The following CDH23 variants were observed in gnomAD, a reference collection of about 807,000 sequenced individuals.
The protein encoded by CDH23 is cadherin related 23.
In CDH23, 189 loss-of-function variants were observed where a neutral mutation model predicts 317.1. The ratio of observed to expected loss-of-function variants is 0.60; its 90% confidence interval spans 0.53 to 0.67. CDH23 has a LOEUF of 0.67. Ranked by LOEUF, CDH23 falls within the 30% of genes least tolerant of loss-of-function variation. The probability of loss-of-function intolerance (pLI) is 0.00; values close to 1 mark genes in which losing one functional copy is unlikely to be tolerated. For synonymous variants in CDH23, 1,839 were observed against 1,876.8 expected, an observed-to-expected ratio of 0.98 and a Z score of 0.52; for missense variants, 4,401 against 4,592.4, an observed-to-expected ratio of 0.96 and a Z score of 1.20.
chr10:71,408,764 T>G (rs1444330910), intron 1 of CDH23, among the ~76,000 whole-genome samples: 2 of 152,176 alleles, frequency 1.3e-5, no homozygotes, highest in African/African-American at 2.4e-5. Flanking sequence ...ACAGCTTCCT[T>G]GGGAGCCGCT....
chr10:71,713,071 G>A (rs1329167015), intron 28 of CDH23: 3 of 746,898 alleles, frequency 4.0e-6, no homozygotes, highest in South Asian at 2.9e-5. Context: ...GCCTCCCCCT[G>A]CATATCTCCC....
At position 71,725,489 on chromosome 10, in the gene CDH23, A is replaced by G; in HGVS notation, c.3548A>G (p.His1183Arg). 6.2e-7 allele frequency: 1 copy of G among 1,613,774 alleles called. No individual in the cohort carries two copies. The highest frequency in any genetic ancestry group is 8.5e-7 in the Non-Finnish European group (1 of 1,179,810). Residue 1183 changes from histidine to arginine, a missense_variant, in exon 30 of 70, where the codon CAC (histidine) becomes CGC (arginine). Physicochemically the swap from His to Arg is conservative, Grantham distance 29 (BLOSUM62 0). Coordinates refer to ENST00000224721, the MANE Select transcript of CDH23 (RefSeq NM_022124.6). ...SHVLIVEAYN[H>R]DLGPMRSSVR... ...GTGCTGATAGTGGAGGCCTACAACCACGACCTGGGCCCCATGCGGAGCTCC... is the reference window on the plus strand; with the variant it reads ...GTGCTGATAGTGGAGGCCTACAACCGCGACCTGGGCCCCATGCGGAGCTCC...
At chr10:71,620,344 G>A (rs114487052) in intron 11 of CDH23, among the ~76,000 whole-genome samples, 29 of 152,224 alleles carry the variant, frequency 1.9e-4, no homozygotes, top group South Asian at 6.2e-4. Context: ...TACGTTAGCC[G>A]TTGTCATCAT....
chr10:71,740,942 G>A lies in CDH23; in HGVS notation c.4609G>A (p.Val1537Met), dbSNP rs1198442260. The A allele has an allele frequency of 6.2e-7, 1 of 1,613,954 alleles. No individual in the cohort carries two copies. The highest frequency in any genetic ancestry group is 1.1e-5 in the South Asian group (1 of 91,086). The change falls in exon 37 of 70, where the codon GTG becomes ATG. Residue 1537 changes from valine (V) to methionine (M), a missense_variant. Val to Met is a conservative substitution (Grantham distance 21, BLOSUM62 1). Transcript: ENST00000224721. ...IESPFGYNVS[V>M]NENVGGGTAV... ...GAGCCCCTTTGGATACAATGTCAGT[G>A]TGAATGAGGTGAGGGCAGCCCCGGG...
At chr10:71,419,995 G>T (rs1388146456) in intron 1 of CDH23, among the ~76,000 whole-genome samples, 5 of 152,244 alleles carry the variant, frequency 3.3e-5, no homozygotes, top group African/African-American at 9.6e-5. Flanking sequence ...GCTACTGCTG[G>T]ATGCCTTGCA....
intron 28 of CDH23, among the ~76,000 whole-genome samples, chr10:71,720,082 C>G (rs1866481385): frequency 6.6e-6 from 1 of 152,224 alleles, no homozygotes; most frequent in South Asian, 2.1e-4. Flanking sequence ...TCGGCGGCAG[C>G]CAGAGGTTCG....
In CDH23 at chr10:71,631,934, G is replaced by GA. The variant is rs1174255224; in HGVS notation, c.1135-11926dup. ...ATAATTCCATGACATTCTCAAAAAAGACAAACTTATAGGAACAGAGAACAG... is the reference window on the plus strand; with the variant it reads ...ATAATTCCATGACATTCTCAAAAAAGAACAAACTTATAGGAACAGAGAACAG... On this transcript the variant is annotated intron_variant, in intron 11 of 69. Transcript: ENST00000224721. Among the ~76,000 whole-genome samples the GA allele has an allele frequency of 2.0e-5, 3 of 152,214 alleles. No individual in the cohort carries two copies. The East Asian group carries it at 5.8e-4, about 29-fold the overall frequency.
At chr10:71,557,102 A>G (rs1856911553) in intron 6 of CDH23, among the ~76,000 whole-genome samples, 1 of 152,220 alleles carries the variant, frequency 6.6e-6, no homozygotes, top group Non-Finnish European at 1.5e-5. Flanking sequence ...TCCATCCTCC[A>G]AACTTAATTA....
At chr10:71,519,217 G>C (rs899783068) in intron 6 of CDH23, among the ~76,000 whole-genome samples, 1 of 152,096 alleles carries the variant, frequency 6.6e-6, no homozygotes, top group African/African-American at 2.4e-5. Context: ...GGCACTCACC[G>C]GAACACCTTT....
At chr10:71,768,949 T>C (rs1840623387) in intron 38 of CDH23, among the ~76,000 whole-genome samples, 2 of 152,308 alleles carry the variant, frequency 1.3e-5, no homozygotes, top group South Asian at 2.1e-4. Context: ...TGAACCCAGG[T>C]AGTCAGCCTC....
intron 3 of CDH23, among the ~76,000 whole-genome samples, chr10:71,490,525 T>C (rs1212059065): frequency 6.6e-6 from 1 of 152,132 alleles, no homozygotes; most frequent in Non-Finnish European, 1.5e-5. Context: ...AAATGGGAGA[T>C]CGTCATATTA....
chr10:71,604,553 C>T (rs982280873), intron 9 of CDH23, among the ~76,000 whole-genome samples: 26 of 152,274 alleles, frequency 1.7e-4, no homozygotes, highest in Admixed American at 1.1e-3. Context: ...AAAATCCAAA[C>T]TGCTTCCTCC....
chr10:71,746,177 G>A (rs1364905119), intron 38 of CDH23, among the ~76,000 whole-genome samples: 1 of 152,230 alleles, frequency 6.6e-6, no homozygotes, highest in Non-Finnish European at 1.5e-5. Context: ...GTGGTAGAGT[G>A]CTAGGAGCCT....
intron 14 of CDH23, among the ~76,000 whole-genome samples, chr10:71,657,604 G>A (rs1005343545): frequency 6.6e-6 from 1 of 152,170 alleles, no homozygotes; most frequent in African/African-American, 2.4e-5. Flanking sequence ...AGGACAAGCC[G>A]GTCAGAGCAG....
chr10:71,810,325 G>A (rs758630965), intron 61 of CDH23, 147 bp from the exon 62 acceptor site: 91 of 841,946 alleles, frequency 1.1e-4, no homozygotes, highest in African/African-American at 2.4e-4. Context: ...GATTGGCACC[G>A]TGCCTGGTCC....
chr10:71,687,536 G>C (rs2132694439), intron 18 of CDH23, 111 bp from the exon 19 acceptor site: 1 of 925,746 alleles, frequency 1.1e-6, no homozygotes, highest in East Asian at 2.5e-5. Flanking sequence ...AGAGGCCAAA[G>C]CTCTTTAGGG....
intron 35 of CDH23, among the ~76,000 whole-genome samples, chr10:71,739,316 C>T (rs538241982): frequency 1.0e-3 from 155 of 152,274 alleles, no homozygotes; most frequent in Middle Eastern, 3.4e-3. Context: ...GGTAATGCCG[C>T]AGCGTGTGCC....
chr10:71,719,103 TA>T (rs1321628729), intron 28 of CDH23, among the ~76,000 whole-genome samples: 2 of 151,232 alleles, frequency 1.3e-5, no homozygotes, highest in Non-Finnish European at 3.0e-5. Flanking sequence ...AAAAAAAAAA[TA>T]AGTGGAGTTG....
chr10:71,706,055 A>C (rs1865776745), intron 25 of CDH23, among the ~76,000 whole-genome samples: 3 of 152,118 alleles, frequency 2.0e-5, no homozygotes, highest in Admixed American at 2.0e-4. Context: ...TGGACAGGGA[A>C]TATGTCCCAG....
Sources: allele counts gnomAD v4.1 joint callset (sites outside exome capture counted in the v4.1 genomes callset), GRCh38; gene constraint gnomAD v4.1.1; transcripts MANE v1.5; gene names NCBI Gene and HGNC (gene_info 2026-07-23, HGNC 2026-07-21).